The following LPP variants were observed in gnomAD, a reference collection of about 807,000 sequenced individuals.
The protein encoded by LPP is LIM domain containing preferred translocation partner in lipoma, also known as lipoma-preferred partner.
A neutral mutation model predicts 60.4 loss-of-function variants in LPP; 38 were observed. The ratio of observed to expected loss-of-function variants is 0.63; its 90% CI spans 0.49 to 0.83. The LOEUF (loss-of-function observed/expected upper bound fraction) is 0.83. Ranked by LOEUF, LPP falls within the 40% of genes least tolerant of loss-of-function variation. The pLI, the probability that LPP is intolerant of heterozygous loss-of-function variation, is 0.00. For synonymous variants in LPP, 328 were observed against 290.8 expected (o/e 1.13, Z -1.30); for missense variants, 902 against 783.6 (o/e 1.15, Z -1.80).
intron 2 of LPP, among the ~76,000 whole-genome samples, chr3:188,232,372 A>C (rs1720334372): frequency 6.6e-6 from 1 of 151,318 alleles, no homozygotes; most frequent in Admixed American, 6.6e-5. Flanking sequence ...TTTGAGATGG[A>C]GTCTCACTGT....
intron 5 of LPP, among the ~76,000 whole-genome samples, chr3:188,488,235 T>A (rs955042844): frequency 6.6e-6 from 1 of 152,120 alleles, no homozygotes; most frequent in African/African-American, 2.4e-5. Flanking sequence ...ACGTTTTTAT[T>A]TGGAAGGAGC....
At chr3:188,167,884 C>T (rs981456823) in intron 1 of LPP, among the ~76,000 whole-genome samples, 5 of 152,098 alleles carry the variant, frequency 3.3e-5, no homozygotes, top group Admixed American at 1.3e-4. Context: ...AATTTTATAA[C>T]TTGCATTTGT....
At chr3:188,801,313 T>C (rs1199891267) in intron 9 of LPP, among the ~76,000 whole-genome samples, 1 of 152,210 alleles carries the variant, frequency 6.6e-6, no homozygotes, top group Admixed American at 6.5e-5. Context: ...TATGTTGATA[T>C]ACATGCAATA....
rs531190859 is a variant in LPP, at chr3:188,201,528, A to C, written c.-189-23877A>C. Among the ~76,000 whole-genome samples the C allele has an allele frequency of 2.6e-5, 4 of 152,090 alleles. No homozygotes were observed. The East Asian group carries it at 7.8e-4, about 30-fold the overall frequency. On this transcript the variant is annotated intron_variant, in intron 1 of 11. Coordinates refer to ENST00000617246, the MANE Select transcript of LPP (RefSeq NM_001375462.1). Reference sequence around the variant, plus strand: ...TCGAGACCAGCCTGGCCAACGTGGCAAAACCCCATCTCTACTAAAAATACA... The same window carrying C: ...TCGAGACCAGCCTGGCCAACGTGGCCAAACCCCATCTCTACTAAAAATACA...
intron 8 of LPP, among the ~76,000 whole-genome samples, chr3:188,748,460 A>G (rs1243954811): frequency 6.6e-6 from 1 of 151,960 alleles, no homozygotes; most frequent in Non-Finnish European, 1.5e-5. Flanking sequence ...ATTTACCACT[A>G]CTTGAGTAGT....
chr3:188,359,093 C>T (rs1181469112), intron 3 of LPP, among the ~76,000 whole-genome samples: 1 of 152,214 alleles, frequency 6.6e-6, no homozygotes, highest in Non-Finnish European at 1.5e-5. Context: ...CAGGAGCCCT[C>T]TTCCAGCCAA....
At chr3:188,578,087 T>C (rs1835180838) in intron 6 of LPP, among the ~76,000 whole-genome samples, 2 of 152,124 alleles carry the variant, frequency 1.3e-5, no homozygotes, top group South Asian at 4.1e-4. Flanking sequence ...AACAAAGATA[T>C]AACTATTGTT....
intron 3 of LPP, among the ~76,000 whole-genome samples, chr3:188,372,772 A>G (rs780166708): frequency 6.6e-6 from 1 of 151,752 alleles, no homozygotes; most frequent in South Asian, 2.1e-4. Context: ...TTTGTTACAT[A>G]TGTATACATG....
chr3:188,796,388 T>C (rs1163371313), intron 9 of LPP, among the ~76,000 whole-genome samples: 1 of 152,152 alleles, frequency 6.6e-6, no homozygotes, highest in Non-Finnish European at 1.5e-5. Context: ...CATTTTGGCC[T>C]TTTTCCCAAA....
intron 4 of LPP, among the ~76,000 whole-genome samples, chr3:188,419,390 GCTAA>G (rs1787174328): frequency 6.6e-6 from 1 of 152,116 alleles, no homozygotes; most frequent in Non-Finnish European, 1.5e-5. Flanking sequence ...TGACTCCATG[GCTAA>G]CTCTATCAGA....
intron 5 of LPP, among the ~76,000 whole-genome samples, chr3:188,504,075 C>T (rs1812752761): frequency 6.6e-6 from 1 of 152,162 alleles, no homozygotes; most frequent in Non-Finnish European, 1.5e-5. Flanking sequence ...ATGCTGCATA[C>T]TTTGGTATAG....
At chr3:188,301,024 A>G (rs935567664) in intron 2 of LPP, among the ~76,000 whole-genome samples, 6 of 152,054 alleles carry the variant, frequency 3.9e-5, no homozygotes, top group African/African-American at 1.2e-4. Context: ...TCAGCATCTT[A>G]TCTTCTACAT....
At chr3:188,815,874 T>C (rs947964008) in intron 9 of LPP, among the ~76,000 whole-genome samples, 9 of 152,236 alleles carry the variant, frequency 5.9e-5, no homozygotes, top group Admixed American at 5.2e-4. Flanking sequence ...CAGGTTCTCC[T>C]GCAAGCCACA....
At chr3:188,451,100 C>T (rs1228667031) in intron 4 of LPP, among the ~76,000 whole-genome samples, 1 of 151,700 alleles carries the variant, frequency 6.6e-6, no homozygotes, top group African/African-American at 2.4e-5. Context: ...GGTTACTTTC[C>T]CCCAGTAAAG....
intron 1 of LPP, among the ~76,000 whole-genome samples, chr3:188,202,176 C>T (rs1240173897): frequency 6.6e-6 from 1 of 151,868 alleles, no homozygotes; most frequent in African/African-American, 2.4e-5. Flanking sequence ...CGTCTTGGCA[C>T]CATGCATCAT....
intron 3 of LPP, among the ~76,000 whole-genome samples, chr3:188,397,948 G>T (rs111346297): frequency 0.068 from 10,416 of 152,134 alleles, 1,213 homozygotes; most frequent in African/African-American, 0.24. Flanking sequence ...AATGTTTACT[G>T]GTCTAGACCT....
chr3:188,598,152 T>G (rs982522020), intron 6 of LPP, among the ~76,000 whole-genome samples: 5 of 151,948 alleles, frequency 3.3e-5, no homozygotes, highest in Admixed American at 6.6e-5. Context: ...ATAGCTGGAG[T>G]GTTGACTCCT....
chr3:188,825,619 A>G (rs1755263078), intron 9 of LPP, among the ~76,000 whole-genome samples: 1 of 151,924 alleles, frequency 6.6e-6, no homozygotes, highest in Non-Finnish European at 1.5e-5. Flanking sequence ...TCTTGAAGAT[A>G]CCAGGGGCAC....
chr3:188,738,012 A>G (rs1296670186), intron 8 of LPP, among the ~76,000 whole-genome samples: 1 of 152,132 alleles, frequency 6.6e-6, no homozygotes, highest in African/African-American at 2.4e-5. Flanking sequence ...TGTTATAGCC[A>G]TCTTCTCCCA....
Sources: gnomAD v4.1 joint callset for allele counts (sites outside exome capture counted in the v4.1 genomes callset) on GRCh38, gnomAD v4.1.1 for gene constraint, MANE v1.5 for transcripts, NCBI Gene and HGNC (gene_info 2026-07-23, HGNC 2026-07-21) for gene names.